The following JAKMIP2 variants were observed in gnomAD, a reference collection of about 807,000 sequenced individuals.
JAKMIP2 encodes the protein janus kinase and microtubule-interacting protein 2.
JAKMIP2 carries 25 observed loss-of-function variants against 115.0 expected under a neutral mutation model. The ratio of observed to expected loss-of-function variants is 0.22; its 90% CI spans 0.16 to 0.30. The LOEUF (loss-of-function observed/expected upper bound fraction) is 0.30, where lower values mean the gene tolerates loss of function less well. JAKMIP2 is among the 10% of genes least tolerant of loss of function. The pLI, the probability that JAKMIP2 is intolerant of heterozygous loss-of-function variation, is 1.00. For missense variants in JAKMIP2, 642 were observed against 957.6 expected (o/e 0.67, Z 4.35); for synonymous variants, 334 against 343.6 (o/e 0.97, Z 0.31).
intron 1 of JAKMIP2, among the ~76,000 whole-genome samples, chr5:147,680,030 C>A (rs996041960): frequency 3.9e-5 from 6 of 152,142 alleles, no homozygotes; most frequent in African/African-American, 1.4e-4. Context: ...GCTGTATATT[C>A]TTGAGAAGTT....
At chr5:147,780,312 T>C (rs1755710960) in intron 1 of JAKMIP2, among the ~76,000 whole-genome samples, 1 of 152,190 alleles carries the variant, frequency 6.6e-6, no homozygotes, top group Non-Finnish European at 1.5e-5. Flanking sequence ...CTAAGGGATT[T>C]GCCTCTGTTC....
At chr5:147,720,008 A>G (rs1476877223) in intron 1 of JAKMIP2, among the ~76,000 whole-genome samples, 1 of 151,846 alleles carries the variant, frequency 6.6e-6, no homozygotes, top group African/African-American at 2.4e-5. Context: ...TTCCATGTTT[A>G]GCGCTTCCTT....
In JAKMIP2 at chr5:147,586,758, C is replaced by CTTTTTTT. The variant is rs5872028; in HGVS notation, c.*4942_*4948dup. 9.8e-5 allele frequency: 8 copies of CTTTTTTT among 81,668 alleles called. No homozygotes were observed. Among genetic ancestry groups the CTTTTTTT allele is most frequent in the East Asian group, 3.2e-4 (1 of 3,138 alleles). The allele number at this position is 81,668 out of a possible 1,614,324, so 5.1% of individuals were successfully genotyped here. A position where few individuals can be genotyped will look rare whatever the true frequency, so the allele number is the denominator to read the frequency against. ...TCCTCTCTCCCTCTTTTCTTTCTTT[C>CTTTTTTT]TTTTTTTTTTTTTTTTTTGAGATGA... is the stretch of plus-strand genomic sequence containing the variant. On this transcript the variant is annotated 3_prime_UTR_variant, in exon 22 of 22. Transcript: ENST00000616793.
intron 2 of JAKMIP2, among the ~76,000 whole-genome samples, chr5:147,665,776 A>G (rs1182891926): frequency 1.3e-5 from 2 of 152,178 alleles, no homozygotes; most frequent in Non-Finnish European, 2.9e-5. Context: ...GTGTAAGGTA[A>G]TATTATTACT....
chr5:147,645,873 T>C (rs1383888116), intron 5 of JAKMIP2, among the ~76,000 whole-genome samples: 3 of 152,204 alleles, frequency 2.0e-5, no homozygotes, highest in Non-Finnish European at 4.4e-5. Flanking sequence ...TCTAAGTTTA[T>C]GAAAATTGTC....
chr5:147,728,962 TG>T (rs544874765), intron 1 of JAKMIP2, among the ~76,000 whole-genome samples: 106 of 152,320 alleles, frequency 7.0e-4, no homozygotes, highest in African/African-American at 2.5e-3. Context: ...GTGCCACACC[TG>T]GTACATAATT....
intron 1 of JAKMIP2, among the ~76,000 whole-genome samples, chr5:147,705,461 A>G (rs1561549305): frequency 6.6e-6 from 1 of 151,940 alleles, no homozygotes; most frequent in Non-Finnish European, 1.5e-5. Context: ...AAATTAGCCG[A>G]GAATCATTTG....
intron 1 of JAKMIP2, among the ~76,000 whole-genome samples, chr5:147,737,643 T>G (rs1753976319): frequency 6.6e-6 from 1 of 152,234 alleles, no homozygotes; most frequent in Non-Finnish European, 1.5e-5. Flanking sequence ...TTGGGTGGTT[T>G]AAGTGTCTGA....
Position 147,594,337 on chromosome 5 carries a change from CT to C in JAKMIP2, c.*21-2652del, listed in dbSNP as rs761641044. On this transcript the variant is annotated intron_variant, in intron 21 of 21. Coordinates refer to ENST00000616793, the MANE Select transcript of JAKMIP2 (RefSeq NM_001270941.2). ...GAGACTTTACTGCATGCTACAAATT[CT>C]TTTTTTTTCTTTTTGATACAGGGTC... 4.0e-4 allele frequency: 146 copies of C among 366,450 alleles called. 2 individuals carry two copies. Among genetic ancestry groups the C allele is most frequent in the South Asian group, 1.5e-3 (77 of 50,128 alleles). The allele number at this position is 366,450 out of a possible 1,614,324, so 22.7% of individuals were successfully genotyped here.
At chr5:147,739,230 T>C (rs1347036531) in intron 1 of JAKMIP2, among the ~76,000 whole-genome samples, 5 of 152,018 alleles carry the variant, frequency 3.3e-5, no homozygotes, top group Non-Finnish European at 5.9e-5. Flanking sequence ...AGCAGAGAAA[T>C]GCACGAGCGG....
chr5:147,637,306 A>T (rs1233955633), intron 10 of JAKMIP2, among the ~76,000 whole-genome samples: 1 of 152,086 alleles, frequency 6.6e-6, no homozygotes, highest in Non-Finnish European at 1.5e-5. Flanking sequence ...ATCAGCCTAG[A>T]GCCAAACCCT....
intron 13 of JAKMIP2, 98 bp downstream of exon 13, chr5:147,632,582 G>A (rs1227787097): frequency 2.6e-6 from 2 of 776,756 alleles, no homozygotes; most frequent in Non-Finnish European, 4.3e-6. Flanking sequence ...ATGAGAGTAT[G>A]AATCTGAAAT....
At chr5:147,675,474 T>C (rs75331148) in intron 1 of JAKMIP2, among the ~76,000 whole-genome samples, 2 of 129,246 alleles carry the variant, frequency 1.5e-5, no homozygotes, top group East Asian at 2.5e-4. Flanking sequence ...CTTGTGCTGC[T>C]TTTTTTTTTT....
At chr5:147,610,723 C>T (rs374841788) in intron 20 of JAKMIP2, among the ~76,000 whole-genome samples, 10 of 152,186 alleles carry the variant, frequency 6.6e-5, no homozygotes, top group African/African-American at 2.4e-4. Context: ...GCTGGGAGAT[C>T]CACTGCTCTC....
At chr5:147,708,998 C>T (rs1050020330) in intron 1 of JAKMIP2, among the ~76,000 whole-genome samples, 4 of 152,188 alleles carry the variant, frequency 2.6e-5, no homozygotes, top group African/African-American at 9.7e-5. Context: ...ATCATCCTCT[C>T]AATGTATCCA....
chr5:147,755,238 G>T (rs1754701972), intron 1 of JAKMIP2, among the ~76,000 whole-genome samples: 1 of 152,146 alleles, frequency 6.6e-6, no homozygotes, highest in Non-Finnish European at 1.5e-5. Context: ...GATACTGGCA[G>T]TGAGGACAAA....
chr5:147,672,831 T>C (rs1759695037), intron 1 of JAKMIP2, among the ~76,000 whole-genome samples: 1 of 151,980 alleles, frequency 6.6e-6, no homozygotes. Flanking sequence ...CAGAGAGAAA[T>C]CACAGTGACT....
rs1005103273 is a variant in JAKMIP2, at chr5:147,591,806, G to C, written c.*21-120C>G. On this transcript the variant is annotated intron_variant, in intron 21 of 21. Coordinates refer to ENST00000616793, the MANE Select transcript of JAKMIP2 (RefSeq NM_001270941.2). ...TCTTTACCACTGCTTTGATGTGTATGATCTTATGCAAGTTACATCTCTAAG... is the reference window on the plus strand; with the variant it reads ...TCTTTACCACTGCTTTGATGTGTATCATCTTATGCAAGTTACATCTCTAAG... 7 of 612,962 alleles carry C rather than the reference G, an allele frequency of 1.1e-5. No individual in the cohort carries two copies. The East Asian group carries it at 2.1e-4, about 18-fold the overall frequency. 38.0% of individuals were successfully genotyped at this position (612,962 alleles called of 1,614,324 possible).
At chr5:147,745,125 T>C (rs1166111990) in intron 1 of JAKMIP2, among the ~76,000 whole-genome samples, 1 of 150,476 alleles carries the variant, frequency 6.6e-6, no homozygotes, top group African/African-American at 2.4e-5. Flanking sequence ...TAAGATGCCA[T>C]TGAGTACTTC....
Sources: gnomAD v4.1 joint callset for allele counts (sites outside exome capture counted in the v4.1 genomes callset) on GRCh38, gnomAD v4.1.1 for gene constraint, MANE v1.5 for transcripts, NCBI Gene and HGNC (gene_info 2026-07-23, HGNC 2026-07-21) for gene names.